Variants in PCNX2 observed in about 807,000 individuals in gnomAD.
PCNX2 encodes the protein pecanex 2.
In PCNX2, 168 loss-of-function variants were observed where a neutral mutation model predicts 223.8. That is an observed-to-expected ratio of 0.75 (90% CI 0.66 to 0.85). The LOEUF (loss-of-function observed/expected upper bound fraction) is 0.85. Among genes scored for constraint, PCNX2 ranks in the 40% least tolerant of loss-of-function variants. PCNX2 has a pLI of 0.00. For synonymous variants in PCNX2, 1,006 were observed against 1,052.6 expected (o/e 0.96, Z 0.86); for missense variants, 2,507 against 2,675.5 (o/e 0.94, Z 1.39).
chr1:233,028,281 A>C lies in PCNX2; in HGVS notation c.4352-2882T>G, dbSNP rs1269793908. Among the ~76,000 whole-genome samples the C allele has an allele frequency of 2.0e-5, 3 of 152,224 alleles. No individual in the cohort carries two copies. In the East Asian group the frequency reaches 5.8e-4, roughly 29 times the overall value. On this transcript the variant is annotated intron_variant, in intron 25 of 33. Coordinates refer to ENST00000258229, the MANE Select transcript of PCNX2 (RefSeq NM_014801.4). ...TGACAGTATCATTCAAATATGCTAG[A>C]TACTAATATTTTTGTGTGAATTTTC...
At chr1:233,278,616 T>A (rs1032419958) in intron 1 of PCNX2, among the ~76,000 whole-genome samples, 4 of 152,196 alleles carry the variant, frequency 2.6e-5, no homozygotes, top group Admixed American at 2.6e-4. Flanking sequence ...GGTTTTCTGA[T>A]GAGCAAGGGA....
the PCNX2 span, among the ~76,000 whole-genome samples, chr1:233,311,487 A>G: frequency 6.6e-6 from 1 of 152,246 alleles, no homozygotes; most frequent in Non-Finnish European, 1.5e-5. Context: ...GCAAATTATA[A>G]TAAGAAGAAA....
rs145618830 is a variant in PCNX2 at position 233,105,523 on chromosome 1, A to G, written c.3838-9660T>C. ...CTGATTAACCTAAAACAGAAGAGTG[A>G]AAAGAAAATTACTAAGGGAGACTAA... On this transcript the variant is annotated intron_variant, in intron 21 of 33. Transcript: ENST00000258229. 5.0e-3 allele frequency among the ~76,000 whole-genome samples: 755 copies of G among 152,324 alleles called. 3 individuals are homozygous for G. The highest frequency in any genetic ancestry group is 0.027 in the Middle Eastern group (8 of 294).
intron 32 of PCNX2, among the ~76,000 whole-genome samples, chr1:232,989,386 G>C (rs559548802): frequency 1.8e-4 from 27 of 152,104 alleles, no homozygotes; most frequent in African/African-American, 5.5e-4. Context: ...CCCAGGAGGC[G>C]GAGCTTGCAG....
the PCNX2 span, among the ~76,000 whole-genome samples, chr1:233,314,219 T>C: frequency 1.3e-5 from 2 of 152,262 alleles, no homozygotes; most frequent in South Asian, 2.1e-4. Context: ...ATTTATATGA[T>C]ACATATATAT....
intron 22 of PCNX2, among the ~76,000 whole-genome samples, chr1:233,094,459 C>A (rs1674046141): frequency 6.6e-6 from 1 of 152,164 alleles, no homozygotes; most frequent in African/African-American, 2.4e-5. Context: ...TTAGCTTGTT[C>A]TGCCAAATGA....
At position 232,999,260 on chromosome 1, in the gene PCNX2, C is replaced by G. The variant is rs1411574363; in HGVS notation, c.5448G>C (p.Leu1816Phe). The G allele has an allele frequency of 6.2e-7, 1 of 1,613,362 alleles. No homozygotes were observed. Among genetic ancestry groups the G allele is most frequent in the East Asian group, 2.2e-5 (1 of 44,844 alleles). ...GGGGCTGATCGCAGGAGGAGTTAAT[C>G]AAGTTCCGCAGGACCTGCTTATTGT... is the stretch of plus-strand genomic sequence containing the variant. ...IQNNKQVLRNLINSSCDQPLG... is the reference protein window; with the variant it reads ...IQNNKQVLRNFINSSCDQPLG... Residue 1816 changes from leucine to phenylalanine, a missense_variant, in exon 31 of 34, where the codon TTG (leucine) becomes TTC (phenylalanine). Physicochemically the swap from Leu to Phe is conservative, Grantham distance 22. Around this residue, in one of 3 missense-constraint regions of PCNX2, gnomAD observed 1,372 missense variants for 1,509.4 expected, o/e 0.91. Transcript: ENST00000258229.
At chr1:233,144,883 T>G (rs969290185) in intron 19 of PCNX2, among the ~76,000 whole-genome samples, 1 of 151,968 alleles carries the variant, frequency 6.6e-6, no homozygotes, top group Non-Finnish European at 1.5e-5. Context: ...ATACATAATT[T>G]TAATATATTA....
At chr1:233,322,633 G>A in the PCNX2 span, among the ~76,000 whole-genome samples, 7 of 152,266 alleles carry the variant, frequency 4.6e-5, no homozygotes, top group East Asian at 1.4e-3. Context: ...AGAAGATTCT[G>A]CAGACTGGAT....
chr1:233,110,485 C>T (rs1422660293), intron 21 of PCNX2, among the ~76,000 whole-genome samples: 1 of 152,198 alleles, frequency 6.6e-6, no homozygotes, highest in Non-Finnish European at 1.5e-5. Context: ...ACAAAACTGA[C>T]AAAATGTCTT....
chr1:233,130,947 C>CCTCCTGG (rs140703183), intron 21 of PCNX2, among the ~76,000 whole-genome samples: 5,630 of 152,144 alleles, frequency 0.037, 128 homozygotes, highest in African/African-American at 0.074. Context: ...CCTTCCTTGG[C>CCTCCTGG]CTCCTGGCGC....
At chr1:233,060,702 A>G (rs2102885296) in intron 23 of PCNX2, among the ~76,000 whole-genome samples, 1 of 152,362 alleles carries the variant, frequency 6.6e-6, no homozygotes, top group Middle Eastern at 3.4e-3. Context: ...CAGGGCTTAT[A>G]GCTCACTCCC....
intron 21 of PCNX2, among the ~76,000 whole-genome samples, chr1:233,123,077 C>T (rs1348712075): frequency 6.6e-6 from 1 of 152,132 alleles, no homozygotes; most frequent in Non-Finnish European, 1.5e-5. Context: ...GATCCTCCAT[C>T]AGAGAAAGGA....
chr1:233,316,398 C>G, the PCNX2 span, among the ~76,000 whole-genome samples: 8 of 151,982 alleles, frequency 5.3e-5, no homozygotes, highest in African/African-American at 1.9e-4. Flanking sequence ...TTTAACTGCA[C>G]TTTTTTTTCA....
intron 15 of PCNX2, among the ~76,000 whole-genome samples, chr1:233,190,183 A>G (rs1178605745): frequency 6.6e-6 from 1 of 152,218 alleles, no homozygotes; most frequent in Non-Finnish European, 1.5e-5. Flanking sequence ...AGGATCCATC[A>G]ATCCATCATG....
chr1:233,310,798 TC>T, the PCNX2 span, among the ~76,000 whole-genome samples: 6 of 152,142 alleles, frequency 3.9e-5, no homozygotes, highest in African/African-American at 1.4e-4. Flanking sequence ...TCAGGCTGCT[TC>T]CACTCATAGT....
chr1:233,017,854 A>C (rs537387093), intron 26 of PCNX2, among the ~76,000 whole-genome samples: 5 of 152,364 alleles, frequency 3.3e-5, no homozygotes, highest in African/African-American at 1.2e-4. Context: ...AGTCAGCCCC[A>C]TCCTTTCTGA....
chr1:233,017,501 G>A (rs545718224), intron 26 of PCNX2, among the ~76,000 whole-genome samples: 35 of 151,932 alleles, frequency 2.3e-4, no homozygotes, highest in African/African-American at 4.3e-4. Flanking sequence ...CTATTTTAGT[G>A]GAGACGGGGT....
intron 17 of PCNX2, among the ~76,000 whole-genome samples, chr1:233,176,908 G>A (rs756671070): frequency 3.3e-5 from 5 of 152,164 alleles, no homozygotes; most frequent in African/African-American, 7.2e-5. Context: ...CCAGCTACTC[G>A]GGCTGAGGCA....
Sources: gnomAD v4.1 joint callset for allele counts (sites outside exome capture counted in the v4.1 genomes callset) on GRCh38, gnomAD v4.1.1 for gene constraint, gnomAD v4.1.1 regional missense constraint, MANE v1.5 for transcripts, NCBI Gene and HGNC (gene_info 2026-07-23, HGNC 2026-07-21) for gene names.